AGBL4: variants seen among roughly 807,000 people sequenced by gnomAD.
The protein encoded by AGBL4 is AGBL carboxypeptidase 4.
In AGBL4, 58 loss-of-function variants were observed where a neutral mutation model predicts 66.4. That is an observed-to-expected ratio of 0.87 (90% CI 0.71 to 1.09). AGBL4 has a LOEUF of 1.09. Among genes scored for constraint, AGBL4 ranks in the 50% least tolerant of loss-of-function variants. AGBL4 has a pLI of 0.00. For synonymous variants in AGBL4, 234 were observed against 222.9 expected, an observed-to-expected ratio of 1.05 and a Z score of -0.44; for missense variants, 579 against 631.0, an observed-to-expected ratio of 0.92 and a Z score of 0.88.
intron 5 of AGBL4, among the ~76,000 whole-genome samples, chr1:49,008,587 C>A (rs1662069057): frequency 7.0e-6 from 1 of 143,052 alleles, no homozygotes; most frequent in African/African-American, 2.8e-5. Context: ...TTTTTCAGCA[C>A]CACACCACAC....
intron 11 of AGBL4, among the ~76,000 whole-genome samples, chr1:48,572,888 C>T (rs1479869207): frequency 6.6e-6 from 1 of 152,188 alleles, no homozygotes; most frequent in East Asian, 1.9e-4. Flanking sequence ...GCTTGTGGTC[C>T]CCCAAAGACA....
At chr1:49,272,566 C>T (rs574681992) in intron 3 of AGBL4, among the ~76,000 whole-genome samples, 27 of 152,110 alleles carry the variant, frequency 1.8e-4, no homozygotes, top group Non-Finnish European at 3.5e-4. Flanking sequence ...CTGTACTTTA[C>T]ATATATATTT....
chr1:49,352,252 C>T (rs1026204336), intron 3 of AGBL4, among the ~76,000 whole-genome samples: 2 of 152,074 alleles, frequency 1.3e-5, no homozygotes, highest in South Asian at 2.1e-4. Flanking sequence ...CTAAATCAGA[C>T]TCTCAGAGTG....
At chr1:48,925,549 G>C (rs1428469879) in intron 5 of AGBL4, among the ~76,000 whole-genome samples, 1 of 152,000 alleles carries the variant, frequency 6.6e-6, no homozygotes, top group Non-Finnish European at 1.5e-5. Flanking sequence ...GCTATCGTTA[G>C]TGTTAGTGTA....
At chr1:49,431,029 C>T (rs1017454145) in intron 3 of AGBL4, among the ~76,000 whole-genome samples, 7 of 151,916 alleles carry the variant, frequency 4.6e-5, no homozygotes, top group Admixed American at 1.3e-4. Flanking sequence ...TTTATTTATC[C>T]GTTGTATTGC....
intron 3 of AGBL4, among the ~76,000 whole-genome samples, chr1:49,511,290 T>C (rs1358685940): frequency 6.6e-6 from 1 of 151,286 alleles, no homozygotes; most frequent in Admixed American, 6.6e-5. Flanking sequence ...AAATGATGAG[T>C]TCATGTCCTT....
At chr1:48,646,122 C>T (rs1190430196) in intron 8 of AGBL4, among the ~76,000 whole-genome samples, 3 of 152,246 alleles carry the variant, frequency 2.0e-5, no homozygotes, top group Admixed American at 6.5e-5. Context: ...GGCATCAGCA[C>T]AGCATGATGC....
intron 6 of AGBL4, among the ~76,000 whole-genome samples, chr1:48,690,086 T>C (rs958397341): frequency 2.6e-5 from 4 of 152,254 alleles, no homozygotes; most frequent in Non-Finnish European, 4.4e-5. Context: ...AGCAAGTCTG[T>C]TCCTGCGCCA....
At chr1:49,584,674 T>G (rs903737056) in intron 3 of AGBL4, among the ~76,000 whole-genome samples, 1 of 152,186 alleles carries the variant, frequency 6.6e-6, no homozygotes, top group African/African-American at 2.4e-5. Flanking sequence ...AAAACAATAT[T>G]ATGAATATGA....
At chr1:49,237,106 A>AG (rs1315709665) in intron 4 of AGBL4, among the ~76,000 whole-genome samples, 3 of 151,692 alleles carry the variant, frequency 2.0e-5, no homozygotes, top group Non-Finnish European at 4.4e-5. Flanking sequence ...ATACAAAAAA[A>AG]AAAAAAATTA....
intron 6 of AGBL4, among the ~76,000 whole-genome samples, chr1:48,684,709 TA>T (rs1390094092): frequency 1.3e-5 from 2 of 151,432 alleles, no homozygotes; most frequent in Non-Finnish European, 2.9e-5. Flanking sequence ...AATCCAAAAA[TA>T]AAAACTTTTT....
chr1:49,952,814 T>C (rs1170064361), intron 1 of AGBL4, among the ~76,000 whole-genome samples: 4 of 151,896 alleles, frequency 2.6e-5, no homozygotes, highest in Non-Finnish European at 2.9e-5. Context: ...TATATGTACA[T>C]TGAGAAGCAA....
In AGBL4 at chr1:49,818,704, C is replaced by T. The variant is rs79721623; in HGVS notation, c.157+32692G>A. On this transcript the variant is annotated intron_variant, in intron 2 of 13. Transcript: ENST00000371839. ...TATGATATGTGTATATGTATATGGT[C>T]TGTGTGTGATATACATATAAATCAT... Among the ~76,000 whole-genome samples the T allele has an allele frequency of 4.6e-5, 7 of 152,180 alleles. 1 individual carries two copies. The East Asian group carries it at 1.4e-3, about 29-fold the overall frequency.
chr1:49,274,839 A>C (rs916826619), intron 3 of AGBL4, among the ~76,000 whole-genome samples: 2 of 152,142 alleles, frequency 1.3e-5, no homozygotes, highest in African/African-American at 4.8e-5. Flanking sequence ...AAAGGACTCA[A>C]ATGATTTTTA....
intron 3 of AGBL4, among the ~76,000 whole-genome samples, chr1:49,364,666 C>T (rs567541285): frequency 5.3e-5 from 8 of 152,094 alleles, no homozygotes; most frequent in South Asian, 2.1e-4. Flanking sequence ...TTGGTAGAGA[C>T]GGGGTTTTGC....
chr1:49,307,842 C>T (rs926444971), intron 3 of AGBL4, among the ~76,000 whole-genome samples: 3 of 152,178 alleles, frequency 2.0e-5, no homozygotes, highest in African/African-American at 7.2e-5. Flanking sequence ...AGAACACACA[C>T]ACAACTAAAA....
At chr1:49,647,122 T>C (rs1645905398) in intron 3 of AGBL4, among the ~76,000 whole-genome samples, 1 of 151,898 alleles carries the variant, frequency 6.6e-6, no homozygotes, top group Non-Finnish European at 1.5e-5. Context: ...TAGACAAAAA[T>C]TTCTTAGCTA....
chr1:49,029,267 A>G (rs1333130715), intron 5 of AGBL4, among the ~76,000 whole-genome samples: 1 of 152,190 alleles, frequency 6.6e-6, no homozygotes, highest in Non-Finnish European at 1.5e-5. Flanking sequence ...AGGAAGAAGT[A>G]AAAATATATC....
chr1:49,411,944 C>G (rs1012727325), intron 3 of AGBL4, among the ~76,000 whole-genome samples: 2 of 152,070 alleles, frequency 1.3e-5, no homozygotes, highest in Non-Finnish European at 2.9e-5. Flanking sequence ...ATATTATTAT[C>G]ATTAATTGTT....
Sources: gnomAD v4.1 joint callset for allele counts (sites outside exome capture counted in the v4.1 genomes callset) on GRCh38, gnomAD v4.1.1 for gene constraint, MANE v1.5 for transcripts, NCBI Gene and HGNC (gene_info 2026-07-23, HGNC 2026-07-21) for gene names.